Variants in LIMS1 observed in about 807,000 individuals in gnomAD.
The protein encoded by LIMS1 is LIM and senescent cell antigen-like-containing domain protein 1.
Under a neutral mutation model 44.1 loss-of-function variants are expected in LIMS1, and 18 were observed. The ratio of observed to expected loss-of-function variants is 0.41; its 90% CI spans 0.28 to 0.61. LIMS1 has a LOEUF of 0.61. Ranked by LOEUF, LIMS1 falls within the 20% of genes least tolerant of loss-of-function variation. The pLI is 0.32. For synonymous variants in LIMS1, 93 were observed against 149.1 expected (o/e 0.62, Z 2.74); for missense variants, 201 against 422.0 (o/e 0.48, Z 4.59).
intron 1 of LIMS1, among the ~76,000 whole-genome samples, chr2:108,636,442 C>A (rs1218224730): frequency 6.6e-6 from 1 of 152,206 alleles, no homozygotes; most frequent in Admixed American, 6.5e-5. Flanking sequence ...ACCGAAGAAG[C>A]CAGAGTGCTG....
chr2:108,590,192 G>A (rs1305469773), intron 1 of LIMS1, among the ~76,000 whole-genome samples: 1 of 152,352 alleles, frequency 6.6e-6, no homozygotes, highest in African/African-American at 2.4e-5. Context: ...CATTAAGAGT[G>A]ATACCGATTG....
chr2:108,576,709 G>T (rs1231929949), intron 1 of LIMS1, among the ~76,000 whole-genome samples: 1 of 152,090 alleles, frequency 6.6e-6, no homozygotes, highest in Non-Finnish European at 1.5e-5. Context: ...ACAAGTTAAA[G>T]TGCCCTTTAG....
chr2:108,609,463 C>T (rs1372344121), intron 1 of LIMS1, among the ~76,000 whole-genome samples: 1 of 152,190 alleles, frequency 6.6e-6, no homozygotes, highest in Non-Finnish European at 1.5e-5. Context: ...AACTGCCCGG[C>T]TCCCCGCAGT....
intron 1 of LIMS1, among the ~76,000 whole-genome samples, chr2:108,641,210 A>G (rs1203776919): frequency 6.6e-6 from 1 of 152,196 alleles, no homozygotes; most frequent in Non-Finnish European, 1.5e-5. Flanking sequence ...TCTTCCAGAA[A>G]TATTTCAACC....
intron 1 of LIMS1, among the ~76,000 whole-genome samples, chr2:108,571,119 G>A (rs62149877): frequency 0.015 from 2,257 of 152,220 alleles, 29 homozygotes; most frequent in Non-Finnish European, 0.02. Flanking sequence ...TAAATATTAT[G>A]CACCCTTCCC....
intron 1 of LIMS1, among the ~76,000 whole-genome samples, chr2:108,580,161 G>T (rs1685831084): frequency 6.6e-6 from 1 of 152,222 alleles, no homozygotes; most frequent in Non-Finnish European, 1.5e-5. Context: ...ACAGGTCTCT[G>T]AGAAGGGCAA....
At chr2:108,662,157 T>C in intron 2 of LIMS1, 1 of 1,611,926 alleles carries the variant, frequency 6.2e-7, no homozygotes, top group Non-Finnish European at 8.5e-7. Context: ...CCTGGCTTGC[T>C]CTTTCCCCTG....
chr2:108,643,884 G>A (rs1017815779), intron 1 of LIMS1, among the ~76,000 whole-genome samples: 5 of 152,178 alleles, frequency 3.3e-5, no homozygotes, highest in Non-Finnish European at 7.3e-5. Flanking sequence ...CCCTCACAGT[G>A]TAAACAAAGC....
chr2:108,591,505 G>T (rs1442216066), intron 1 of LIMS1, among the ~76,000 whole-genome samples: 3 of 152,098 alleles, frequency 2.0e-5, no homozygotes, highest in Non-Finnish European at 4.4e-5. Flanking sequence ...TGTCACCCAG[G>T]CTACAGTACA....
chr2:108,591,375 G>T (rs1686383237), intron 1 of LIMS1, among the ~76,000 whole-genome samples: 1 of 152,258 alleles, frequency 6.6e-6, no homozygotes, highest in South Asian at 2.1e-4. Context: ...GTGGGAAGGA[G>T]TCTGAAGTCT....
intron 1 of LIMS1, among the ~76,000 whole-genome samples, chr2:108,549,972 A>G (rs1684627629): frequency 6.6e-6 from 1 of 152,210 alleles, no homozygotes; most frequent in East Asian, 1.9e-4. Flanking sequence ...ATACTACCAG[A>G]AAGTTTGAAA....
chr2:108,584,118 T>C (rs1686000198), intron 1 of LIMS1, among the ~76,000 whole-genome samples: 1 of 152,194 alleles, frequency 6.6e-6, no homozygotes, highest in East Asian at 1.9e-4. Context: ...GGGTTGTAGC[T>C]CCATCTGCTG....
chr2:108,683,937 A>G (rs1255318643), exon 10 of LIMS1: 1 of 1,605,916 alleles, frequency 6.2e-7, no homozygotes, highest in East Asian at 2.2e-5. Flanking sequence ...GTGCTATGAG[A>G]AATTTCCATT....
intron 1 of LIMS1, among the ~76,000 whole-genome samples, chr2:108,592,136 A>G (rs2104688855): frequency 6.6e-6 from 1 of 152,208 alleles, no homozygotes; most frequent in East Asian, 1.9e-4. Context: ...GTGATTTTAA[A>G]TTGGGTCTTG....
chr2:108,578,620 G>T (rs1264379294), intron 1 of LIMS1, among the ~76,000 whole-genome samples: 1 of 133,220 alleles, frequency 7.5e-6, no homozygotes, highest in Non-Finnish European at 1.6e-5. Flanking sequence ...TGGAGACGGA[G>T]TCTCTCACTG....
intron 2 of LIMS1, among the ~76,000 whole-genome samples, chr2:108,666,328 T>C (rs1172887781): frequency 6.8e-6 from 1 of 147,114 alleles, no homozygotes; most frequent in Non-Finnish European, 1.5e-5. Context: ...TGTTTATTTG[T>C]TTGTTTTGAG....
At chr2:108,543,544 G>C (rs148025959) in intron 1 of LIMS1, among the ~76,000 whole-genome samples, 95 of 152,228 alleles carry the variant, frequency 6.2e-4, no homozygotes, top group African/African-American at 2.0e-3. Context: ...AAATTTTATT[G>C]TGGGTCTGAA....
chr2:108,536,476 A>G (rs924135285), intron 1 of LIMS1, among the ~76,000 whole-genome samples: 1 of 152,210 alleles, frequency 6.6e-6, no homozygotes, highest in Non-Finnish European at 1.5e-5. Context: ...GTAGTGCTCC[A>G]TGGTATGGAT....
intron 1 of LIMS1, among the ~76,000 whole-genome samples, chr2:108,544,139 G>C (rs551430999): frequency 1.3e-5 from 2 of 152,302 alleles, no homozygotes; most frequent in South Asian, 4.1e-4. Context: ...AGTTATTATA[G>C]ATTAGTTGTT....
Sources: gnomAD v4.1 joint callset for allele counts (sites outside exome capture counted in the v4.1 genomes callset) on GRCh38, gnomAD v4.1.1 for gene constraint, MANE v1.5 for transcripts, NCBI Gene and HGNC (gene_info 2026-07-23, HGNC 2026-07-21) for gene names.